GPHN: variants seen among roughly 807,000 people sequenced by gnomAD.
GPHN encodes the protein gephyrin.
GPHN carries 17 observed loss-of-function variants against 95.5 expected under a neutral mutation model. That is an observed-to-expected ratio of 0.18 (90% CI 0.12 to 0.27). The LOEUF (loss-of-function observed/expected upper bound fraction) is 0.27. Among genes scored for constraint, GPHN ranks in the 10% least tolerant of loss-of-function variants. The pLI is 1.00. For synonymous variants in GPHN, 320 were observed against 322.5 expected, an observed-to-expected ratio of 0.99 and a Z score of 0.08; for missense variants, 660 against 978.1, an observed-to-expected ratio of 0.67 and a Z score of 4.34.
intron 1 of GPHN, among the ~76,000 whole-genome samples, chr14:66,679,295 T>TA (rs2066803867): frequency 6.6e-6 from 1 of 152,252 alleles, no homozygotes; most frequent in African/African-American, 2.4e-5. Flanking sequence ...TAGTTTCTGT[T>TA]AAAAATTCAG....
At chr14:66,977,101 C>T (rs1362060672) in intron 9 of GPHN, among the ~76,000 whole-genome samples, 2 of 152,164 alleles carry the variant, frequency 1.3e-5, no homozygotes, top group Non-Finnish European at 2.9e-5. Context: ...TATAACCTTT[C>T]ATACACATGT....
Position 66,956,608 on chromosome 14 carries a change from TTTTGA to T in GPHN, c.829-8578_829-8574del, listed in dbSNP as rs776163357. Among the ~76,000 whole-genome samples the T allele has an allele frequency of 3.4e-3, 514 of 152,026 alleles. 1 individual carries two copies. The highest frequency in any genetic ancestry group is 6.1e-3 in the Non-Finnish European group (415 of 67,970). On this transcript the variant is annotated intron_variant, in intron 8 of 22. Coordinates refer to ENST00000478722, the MANE Select transcript of GPHN (RefSeq NM_020806.5). ...GGTGTGAGATGGTATCTCATTGTGG[TTTTGA>T]TTTGCATTTCTCTGATGGCCAGTGA...
chr14:67,650,492 T>C, the GPHN span: 2 of 563,692 alleles, frequency 3.5e-6, no homozygotes, highest in Admixed American at 6.2e-5. Flanking sequence ...TTTATTTCAT[T>C]ATCTTAAAAG....
intron 3 of GPHN, among the ~76,000 whole-genome samples, chr14:66,819,287 G>A (rs2061098404): frequency 6.6e-6 from 1 of 152,134 alleles, no homozygotes; most frequent in Non-Finnish European, 1.5e-5. Context: ...AAGGGGTCCA[G>A]TTTCAATTTT....
chr14:67,333,160 T>C, the GPHN span: 1 of 428,316 alleles, frequency 2.3e-6, no homozygotes, highest in Non-Finnish European at 4.1e-6. Flanking sequence ...TATACATGGC[T>C]TTAGCGGTTC....
chr14:67,292,146 A>G, the GPHN span, among the ~76,000 whole-genome samples: 1,840 of 152,314 alleles, frequency 0.012, 19 homozygotes, highest in Non-Finnish European at 0.018. Flanking sequence ...ATGGGAAAAC[A>G]TTTACAATGT....
the GPHN span, among the ~76,000 whole-genome samples, chr14:67,407,608 T>C: frequency 1.3e-4 from 20 of 151,936 alleles, no homozygotes; most frequent in East Asian, 1.2e-3. Context: ...GACTGGCTAA[T>C]TATTTTATTT....
At chr14:67,327,393 C>T in the GPHN span, among the ~76,000 whole-genome samples, 3 of 151,608 alleles carry the variant, frequency 2.0e-5, no homozygotes, top group Admixed American at 6.6e-5. Context: ...GTGGCTCACA[C>T]CTGTAATCCC....
rs1039299793 is a variant in GPHN, at chr14:66,553,362, G to T, written c.64+44771G>T. Among the ~76,000 whole-genome samples the T allele has an allele frequency of 1.6e-4, 24 of 151,992 alleles. No homozygotes were observed. The South Asian group carries it at 3.3e-3, about 21-fold the overall frequency. On this transcript the variant is annotated intron_variant, in intron 1 of 22. Coordinates refer to ENST00000478722, the MANE Select transcript of GPHN (RefSeq NM_020806.5). ...CTAGTCACTATTTTTAAAATATTCT[G>T]CCCCAGTCTCACTCTTTTCTCCTCT...
the GPHN span, among the ~76,000 whole-genome samples, chr14:67,626,089 C>T: frequency 6.6e-6 from 1 of 151,966 alleles, no homozygotes; most frequent in Non-Finnish European, 1.5e-5. Flanking sequence ...TCCGTCTCTA[C>T]TAAAAAATAC....
At chr14:67,130,398 G>A (rs1038274879) in intron 17 of GPHN, among the ~76,000 whole-genome samples, 1 of 152,092 alleles carries the variant, frequency 6.6e-6, no homozygotes, top group Non-Finnish European at 1.5e-5. Flanking sequence ...CATTAATTCA[G>A]TTAGGATAAT....
the GPHN span, chr14:67,660,051 T>G: frequency 0.14 from 133,404 of 958,332 alleles, 9,838 homozygotes; most frequent in East Asian, 0.2. Flanking sequence ...ATATGCTCCA[T>G]GAGGCAGGGA....
the GPHN span, among the ~76,000 whole-genome samples, chr14:67,381,083 G>A: frequency 2.0e-5 from 3 of 152,046 alleles, no homozygotes; most frequent in East Asian, 1.9e-4. Flanking sequence ...CATACCATGC[G>A]GAATTTTCTC....
At chr14:66,731,653 A>G (rs1260775667) in intron 2 of GPHN, among the ~76,000 whole-genome samples, 1 of 152,212 alleles carries the variant, frequency 6.6e-6, no homozygotes, top group Non-Finnish European at 1.5e-5. Context: ...AGAAAAATCA[A>G]TTTTATGGGG....
chr14:66,527,346 C>CTCTT (rs1256505017), intron 1 of GPHN, among the ~76,000 whole-genome samples: 2 of 150,528 alleles, frequency 1.3e-5, no homozygotes, highest in East Asian at 3.9e-4. Flanking sequence ...TGATTCTTCT[C>CTCTT]TCTTTTCTTC....
the GPHN span, among the ~76,000 whole-genome samples, chr14:67,238,464 C>G: frequency 1.3e-5 from 2 of 151,760 alleles, no homozygotes; most frequent in South Asian, 2.1e-4. Flanking sequence ...GAGACGGGGT[C>G]TCCCCATGTT....
chr14:67,578,140 T>C, the GPHN span: 14 of 1,613,930 alleles, frequency 8.7e-6, no homozygotes, highest in Non-Finnish European at 1.2e-5. This position sits in a 1 kb window ranked among gnomAD's most constrained non-coding sequence, Gnocchi z 5.0. Flanking sequence ...GAGTGAGATC[T>C]ACTGCCAACT....
At chr14:67,571,245 CAT>C in the GPHN span, 10 of 159,674 alleles carry the variant, frequency 6.3e-5, no homozygotes, top group East Asian at 1.7e-4. Context: ...AAATTATATA[CAT>C]GTTTTAATTT....
chr14:67,380,516 A>G, the GPHN span: 4 of 421,230 alleles, frequency 9.5e-6, no homozygotes, highest in South Asian at 2.3e-4. Context: ...TTTGAATTCT[A>G]ATTGTGACAC....
Sources: gnomAD v4.1 joint callset for allele counts (sites outside exome capture counted in the v4.1 genomes callset) on GRCh38, gnomAD v4.1.1 for gene constraint, Gnocchi (gnomAD v3.1) non-coding constraint, MANE v1.5 for transcripts, NCBI Gene and HGNC (gene_info 2026-07-23, HGNC 2026-07-21) for gene names.